Variants in CSMD1 observed in about 807,000 individuals in gnomAD.
CSMD1 encodes the protein CUB and Sushi multiple domains 1, also known as CUB and sushi domain-containing protein 1.
Under a neutral mutation model 417.5 loss-of-function variants are expected in CSMD1, and 213 were observed. The ratio of observed to expected loss-of-function variants is 0.51; its 90% confidence interval spans 0.46 to 0.57. The LOEUF (loss-of-function observed/expected upper bound fraction) is 0.57. Ranked by LOEUF, CSMD1 falls within the 20% of genes least tolerant of loss-of-function variation. The pLI, the probability that CSMD1 is intolerant of heterozygous loss-of-function variation, is 0.00. For missense variants in CSMD1, 6,923 were observed against 4,529.7 expected, an observed-to-expected ratio of 1.53 and a Z score of -15.17; for synonymous variants, 2,862 against 1,736.8, an observed-to-expected ratio of 1.65 and a Z score of -16.11.
intron 1 of CSMD1, among the ~76,000 whole-genome samples, chr8:4,767,984 G>T (rs1266786885): frequency 1.3e-5 from 2 of 151,000 alleles, no homozygotes; most frequent in African/African-American, 4.9e-5. Flanking sequence ...CACAGAGTGT[G>T]GAGCATGGTG....
At chr8:3,284,705 G>C (rs898442322) in intron 25 of CSMD1, 2 of 236,732 alleles carry the variant, frequency 8.4e-6, no homozygotes, top group African/African-American at 2.3e-5. Context: ...TGACAGATGT[G>C]TTTGAAGCAG....
At chr8:4,555,699 G>A (rs1012080311) in intron 2 of CSMD1, among the ~76,000 whole-genome samples, 1 of 152,164 alleles carries the variant, frequency 6.6e-6, no homozygotes, top group African/African-American at 2.4e-5. Context: ...CTTTAGGGGT[G>A]AGATTCTTCA....
At chr8:2,985,425 G>A (rs1314289212) in intron 54 of CSMD1, among the ~76,000 whole-genome samples, 1 of 152,020 alleles carries the variant, frequency 6.6e-6, no homozygotes, top group Non-Finnish European at 1.5e-5. Flanking sequence ...GGAGACTGGT[G>A]TGATACTGCT....
chr8:4,595,836 G>A lies in CSMD1; in HGVS notation c.302+41506C>T, dbSNP rs79947040. The stretch of plus-strand genomic sequence containing the variant: ...TTTCAGAGCTCCTGTTTTCCTTCCT[G>A]GACACTGACACGTCTACATGGATCT... On this transcript the variant is annotated intron_variant, in intron 2 of 69. Transcript: ENST00000635120. Among the ~76,000 whole-genome samples, 903 of 152,178 alleles carry A rather than the reference G, an allele frequency of 5.9e-3. 61 individuals carry two copies. The East Asian group carries it at 0.16, about 26-fold the overall frequency.
chr8:3,437,759 T>TG (rs1814664482), intron 12 of CSMD1, among the ~76,000 whole-genome samples: 1 of 151,840 alleles, frequency 6.6e-6, no homozygotes. Flanking sequence ...CTTTTCTTTT[T>TG]TTTTTTGTTT....
intron 18 of CSMD1, among the ~76,000 whole-genome samples, chr8:3,386,499 G>C (rs1318520210): frequency 6.6e-6 from 1 of 152,178 alleles, no homozygotes; most frequent in Non-Finnish European, 1.5e-5. Flanking sequence ...TCGTGCTTTG[G>C]TGACAAAGGT....
chr8:4,172,699 T>C (rs77862529), intron 3 of CSMD1, among the ~76,000 whole-genome samples: 6,688 of 152,258 alleles, frequency 0.044, 237 homozygotes, highest in East Asian at 0.13. Context: ...CATTAGAATA[T>C]TGCAAAAGTG....
intron 3 of CSMD1, among the ~76,000 whole-genome samples, chr8:4,128,361 T>G (rs1442051243): frequency 1.3e-5 from 2 of 152,182 alleles, no homozygotes; most frequent in African/African-American, 4.8e-5. Context: ...AGTAAAAACT[T>G]ATGTGGATGG....
At chr8:3,366,153 G>A (rs186931729) in intron 20 of CSMD1, among the ~76,000 whole-genome samples, 12 of 152,238 alleles carry the variant, frequency 7.9e-5, no homozygotes, top group Non-Finnish European at 1.3e-4. Flanking sequence ...AACCCTCTTC[G>A]TCCAAAGCAT....
intron 39 of CSMD1, among the ~76,000 whole-genome samples, chr8:3,154,307 G>C (rs1307447515): frequency 6.6e-6 from 1 of 152,200 alleles, no homozygotes; most frequent in Non-Finnish European, 1.5e-5. Context: ...GGCTTGCCAT[G>C]TCTTAGATTG....
chr8:3,289,780 T>C (rs1414222133), intron 25 of CSMD1, among the ~76,000 whole-genome samples: 2 of 147,432 alleles, frequency 1.4e-5, no homozygotes, highest in Non-Finnish European at 2.9e-5. Flanking sequence ...GTAGGTTGCC[T>C]GTTCACTCTG....
At chr8:3,317,615 G>C (rs1302889681) in intron 23 of CSMD1, among the ~76,000 whole-genome samples, 1 of 152,178 alleles carries the variant, frequency 6.6e-6, no homozygotes, top group South Asian at 2.1e-4. Context: ...AGGAACTTCT[G>C]TGTGATTGTG....
chr8:4,823,022 T>A (rs576493034), intron 1 of CSMD1, among the ~76,000 whole-genome samples: 1 of 152,280 alleles, frequency 6.6e-6, no homozygotes, highest in East Asian at 1.9e-4. Flanking sequence ...TTTGCAGTTC[T>A]CATTCCATCA....
intron 2 of CSMD1, among the ~76,000 whole-genome samples, chr8:4,437,061 A>G (rs1452106444): frequency 6.6e-6 from 1 of 152,150 alleles, no homozygotes; most frequent in African/African-American, 2.4e-5. Context: ...AGGTAATTTA[A>G]TGGGACAGGC....
intron 2 of CSMD1, among the ~76,000 whole-genome samples, chr8:4,610,411 C>G (rs1250114422): frequency 2.0e-5 from 3 of 152,096 alleles, no homozygotes; most frequent in African/African-American, 7.2e-5. Flanking sequence ...AATATATGTT[C>G]TTTTTATGGT....
intron 5 of CSMD1, among the ~76,000 whole-genome samples, chr8:3,991,367 C>A (rs1159357144): frequency 1.3e-5 from 2 of 152,170 alleles, no homozygotes; most frequent in South Asian, 2.1e-4. Flanking sequence ...CTACCTAAGA[C>A]TTCAGTGCGT....
intron 7 of CSMD1, among the ~76,000 whole-genome samples, chr8:3,625,209 G>A (rs770093256): frequency 8.5e-5 from 13 of 152,104 alleles, no homozygotes; most frequent in Non-Finnish European, 1.8e-4. Context: ...ACACTTGGAT[G>A]ATAAACTCTT....
intron 1 of CSMD1, among the ~76,000 whole-genome samples, chr8:4,839,546 A>C (rs1293369861): frequency 6.6e-6 from 1 of 152,196 alleles, no homozygotes; most frequent in Non-Finnish European, 1.5e-5. Flanking sequence ...TTCCACAAGA[A>C]TGGACCACTA....
At chr8:4,581,456 T>G (rs765006419) in intron 2 of CSMD1, among the ~76,000 whole-genome samples, 7 of 152,228 alleles carry the variant, frequency 4.6e-5, no homozygotes, top group Non-Finnish European at 8.8e-5. Context: ...TTGTTTTCTA[T>G]TTTGAAAACT....
Sources: gnomAD v4.1 joint callset for allele counts (sites outside exome capture counted in the v4.1 genomes callset) on GRCh38, gnomAD v4.1.1 for gene constraint, MANE v1.5 for transcripts, NCBI Gene and HGNC (gene_info 2026-07-23, HGNC 2026-07-21) for gene names.